BANP: variants seen among roughly 807,000 people sequenced by gnomAD.
BANP encodes BTG3 associated nuclear protein, also known as protein BANP.
A neutral mutation model predicts 68.1 loss-of-function variants in BANP; 11 were observed. The ratio of observed to expected loss-of-function variants is 0.16; its 90% CI spans 0.10 to 0.27. The LOEUF (loss-of-function observed/expected upper bound fraction) is 0.27. BANP is among the 10% of genes least tolerant of loss of function. The pLI is 1.00. For synonymous variants in BANP, 329 were observed against 303.2 expected (o/e 1.09, Z -0.88); for missense variants, 504 against 722.7 (o/e 0.70, Z 3.47).
chr16:88,000,220 G>A, intron 4 of BANP, among the ~76,000 whole-genome samples: 1 of 30,674 alleles, frequency 3.3e-5, no homozygotes, highest in East Asian at 1.0e-3. Flanking sequence ...TTCCAGACAC[G>A]TCTCCATGCA....
chr16:88,022,188 T>G (rs2076157314), intron 7 of BANP, among the ~76,000 whole-genome samples: 1 of 152,244 alleles, frequency 6.6e-6, no homozygotes, highest in Non-Finnish European at 1.5e-5. Flanking sequence ...TCGCCTGTTT[T>G]CTCTATGAAG....
At chr16:87,970,741 C>T (rs1018155873) in intron 1 of BANP, among the ~76,000 whole-genome samples, 14 of 152,258 alleles carry the variant, frequency 9.2e-5, no homozygotes, top group African/African-American at 2.2e-4. Flanking sequence ...CTCTACCGGC[C>T]GGGCGCGGTG....
At position 87,961,677 on chromosome 16, in the gene BANP, G is replaced by C. The variant is rs113746164; in HGVS notation, c.-69+10162G>C. Among the ~76,000 whole-genome samples, 7 of 152,288 alleles carry C rather than the reference G, an allele frequency of 4.6e-5. 1 individual carries two copies. Among genetic ancestry groups the C allele is most frequent in the African/African-American group, 1.7e-4 (7 of 41,544 alleles). On this transcript the variant is annotated intron_variant, in intron 1 of 13. Transcript: ENST00000682872. Reference sequence around the variant, plus strand: ...ATAAAACATGTTTTGTATGTACCATGAATGTTTGTCCCCTTTGAAACTCAT... The same window carrying C: ...ATAAAACATGTTTTGTATGTACCATCAATGTTTGTCCCCTTTGAAACTCAT...
At position 88,071,896 on chromosome 16, in the gene BANP, C is replaced by T. The variant is rs189697143; in HGVS notation, c.1378-173C>T. On this transcript the variant is annotated intron_variant, in intron 12 of 13. Transcript: ENST00000682872. The surrounding 1 kb of genome is among the most constrained non-coding windows in gnomAD (Gnocchi z 6.5). ...CACTGGATCTGATGCGACTTGAGAG[C>T]GATGGGGAGACAGGATGTGCCGCAG... is the stretch of plus-strand genomic sequence containing the variant. 1.4e-4 allele frequency: 120 copies of T among 834,248 alleles called. No individual in the cohort carries two copies. In the African/African-American group the frequency reaches 1.9e-3, roughly 13 times the overall value. The allele number at this position is 834,248 out of a possible 1,614,324, so 51.7% of individuals were successfully genotyped here.
chr16:88,046,192 G>A (rs1333330161), intron 11 of BANP, among the ~76,000 whole-genome samples: 14 of 152,364 alleles, frequency 9.2e-5, no homozygotes, highest in Admixed American at 5.2e-4. Context: ...CTCCTGACGC[G>A]GAGGTGGGCC....
intron 11 of BANP, among the ~76,000 whole-genome samples, chr16:88,056,468 T>C (rs2085066356): frequency 6.6e-6 from 1 of 152,078 alleles, no homozygotes; most frequent in African/African-American, 2.4e-5. Context: ...TCTCTTTTTT[T>C]TTTTTTTTAG....
intron 8 of BANP, among the ~76,000 whole-genome samples, chr16:88,030,955 G>A (rs909627437): frequency 2.6e-5 from 4 of 152,242 alleles, no homozygotes; most frequent in African/African-American, 7.2e-5. Flanking sequence ...TGGAGAAGTA[G>A]CGCATAAGTA....
chr16:87,991,696 T>C (rs1444001828), intron 4 of BANP, among the ~76,000 whole-genome samples: 2 of 152,236 alleles, frequency 1.3e-5, no homozygotes, highest in African/African-American at 4.8e-5. Context: ...ATCCAGTTGT[T>C]CATTGGAAGG....
intron 3 of BANP, 59 bp downstream of exon 3, chr16:87,981,186 T>C: frequency 8.0e-7 from 1 of 1,255,734 alleles, no homozygotes; most frequent in South Asian, 1.2e-5. Flanking sequence ...AGGGCTGCTA[T>C]AACAAATCAC....
At chr16:87,977,288 G>A (rs953414375) in intron 2 of BANP, among the ~76,000 whole-genome samples, 6 of 152,244 alleles carry the variant, frequency 3.9e-5, no homozygotes, top group South Asian at 4.1e-4. Context: ...GCGTGGTGGC[G>A]GGCGCCTGTA....
Position 88,003,861 on chromosome 16 carries a change from G to A in BANP, c.363-434G>A, listed in dbSNP as rs1308810404. The A allele has an allele frequency of 3.3e-6, 1 of 298,878 alleles. No homozygotes were observed. The highest frequency in any genetic ancestry group is 2.2e-5 in the African/African-American group (1 of 45,382). The allele number at this position is 298,878 out of a possible 1,614,324, so 18.5% of individuals were successfully genotyped here. A position where few individuals can be genotyped will look rare whatever the true frequency, so the allele number is the denominator to read the frequency against. On this transcript the variant is annotated intron_variant, in intron 4 of 13. Transcript: ENST00000682872. The surrounding 1 kb of genome is among the most constrained non-coding windows in gnomAD (Gnocchi z 6.1). ...AACACTTACGTGGTTACGAACGTTA[G>A]ATCTGTCCCATAGGAATGAGTTGGG... is the stretch of plus-strand genomic sequence containing the variant.
intron 10 of BANP, 68 bp from the exon 11 acceptor site, chr16:88,037,905 T>C: frequency 4.7e-6 from 7 of 1,504,708 alleles, no homozygotes; most frequent in Non-Finnish European, 5.6e-6. Flanking sequence ...TCTTGGCGTG[T>C]TTGCCGTGTC....
rs1166563079 is a variant in BANP, at chr16:88,018,122, G to A, written c.656-306G>A. Among the ~76,000 whole-genome samples, 1 of 152,094 alleles carries A rather than the reference G, an allele frequency of 6.6e-6. No homozygotes were observed. The highest frequency in any genetic ancestry group is 2.1e-4 in the South Asian group (1 of 4,812). ...TGTGCAAGGATATCGGTATTGCTGG[G>A]GTCCCGGGTCCAGGGTGAGCAGAGT... is the stretch of plus-strand genomic sequence containing the variant. On this transcript the variant is annotated intron_variant, in intron 6 of 13. Coordinates refer to ENST00000682872, the MANE Select transcript of BANP (RefSeq NM_001386991.1). This position sits in a 1 kb window ranked among gnomAD's most constrained non-coding sequence, Gnocchi z 7.7.
At position 88,018,773 on chromosome 16, in the gene BANP, C is replaced by T. The variant is rs2075174523; in HGVS notation, c.895+106C>T. 2.9e-6 allele frequency: 4 copies of T among 1,386,072 alleles called. No individual in the cohort carries two copies. Among genetic ancestry groups the T allele is most frequent in the Middle Eastern group, 2.5e-4 (1 of 3,950 alleles). The allele number at this position is 1,386,072 out of a possible 1,614,324, so 85.9% of individuals were successfully genotyped here. On this transcript the variant is annotated intron_variant, in intron 7 of 13. Transcript: ENST00000682872. This position sits in a 1 kb window ranked among gnomAD's most constrained non-coding sequence, Gnocchi z 7.7. ...CATCAGTAGCACCGGCACGGGGCTG[C>T]GTTTCTCCAGGCGGTTTGAAATCTC...
intron 7 of BANP, among the ~76,000 whole-genome samples, chr16:88,025,022 AT>A (rs1206255367): frequency 6.6e-6 from 1 of 151,974 alleles, no homozygotes; most frequent in East Asian, 1.9e-4. Context: ...AGTCTATGGA[AT>A]TTTTCTCCTG....
At chr16:87,981,449 A>C (rs2063259367) in intron 3 of BANP, among the ~76,000 whole-genome samples, 1 of 152,084 alleles carries the variant, frequency 6.6e-6, no homozygotes, top group African/African-American at 2.4e-5. Context: ...AGGACTTGTC[A>C]TTGGATTTAA....
chr16:88,051,177 G>A (rs1173888723), intron 11 of BANP, among the ~76,000 whole-genome samples: 1 of 152,234 alleles, frequency 6.6e-6, no homozygotes, highest in Non-Finnish European at 1.5e-5. Context: ...AAGGCTCCAG[G>A]ATGGGGGCTC....
Position 88,040,154 on chromosome 16 carries a change from G to A in BANP, c.1311+2143G>A, listed in dbSNP as rs543198335. Among the ~76,000 whole-genome samples, 20 of 152,242 alleles carry A rather than the reference G, an allele frequency of 1.3e-4. No individual in the cohort carries two copies. The South Asian group carries it at 3.9e-3, about 30-fold the overall frequency. On this transcript the variant is annotated intron_variant, in intron 11 of 13. Transcript: ENST00000682872. The stretch of plus-strand genomic sequence containing the variant: ...CATGGCCCCTGCTTCTCTTGGGAAG[G>A]AAACTGCTGTGTGATTTAAAGAAAC...
At chr16:88,017,370 CAG>C (rs2074820426) in intron 6 of BANP, 1 of 152,462 alleles carries the variant, frequency 6.6e-6, no homozygotes, top group Admixed American at 6.5e-5. Flanking sequence ...ACTTCAGGGT[CAG>C]AAGAGATTGG....
Sources: gnomAD v4.1 joint callset for allele counts (sites outside exome capture counted in the v4.1 genomes callset) on GRCh38, gnomAD v4.1.1 for gene constraint, Gnocchi (gnomAD v3.1) non-coding constraint, MANE v1.5 for transcripts, NCBI Gene and HGNC (gene_info 2026-07-23, HGNC 2026-07-21) for gene names.